The following LAMA2 variants were observed in gnomAD, a reference collection of about 807,000 sequenced individuals.
LAMA2 encodes laminin subunit alpha 2, also known as laminin subunit alpha-2.
In LAMA2, 269 loss-of-function variants were observed where a neutral mutation model predicts 364.8. The ratio of observed to expected loss-of-function variants is 0.74; its 90% CI spans 0.67 to 0.82. The LOEUF is 0.82. LAMA2 is among the 40% of genes least tolerant of loss of function. The pLI, the probability that LAMA2 is intolerant of heterozygous loss-of-function variation, is 0.00. For missense variants in LAMA2, 3,807 were observed against 3,873.2 expected (o/e 0.98, Z 0.45); for synonymous variants, 1,379 against 1,370.6 (o/e 1.01, Z -0.14).
intron 4 of LAMA2, among the ~76,000 whole-genome samples, chr6:129,112,994 CAT>C (rs1776245908): frequency 6.6e-6 from 1 of 152,146 alleles, no homozygotes; most frequent in South Asian, 2.1e-4. Flanking sequence ...CTTGCAGAAA[CAT>C]GTCATAGAAA....
intron 4 of LAMA2, among the ~76,000 whole-genome samples, chr6:129,133,628 G>A (rs1024616531): frequency 1.8e-4 from 27 of 152,108 alleles, no homozygotes; most frequent in African/African-American, 6.5e-4. Context: ...CCAATGGAAT[G>A]CTCAGTCTTG....
At chr6:129,498,777 A>ATC (rs1288373875) in intron 58 of LAMA2, among the ~76,000 whole-genome samples, 1 of 152,196 alleles carries the variant, frequency 6.6e-6, no homozygotes, top group Non-Finnish European at 1.5e-5. Flanking sequence ...TGTAATATAA[A>ATC]TCTCTGCTCA....
chr6:129,033,286 T>C (rs1023052163), intron 1 of LAMA2, among the ~76,000 whole-genome samples: 1 of 152,136 alleles, frequency 6.6e-6, no homozygotes, highest in Non-Finnish European at 1.5e-5. Flanking sequence ...CTAAGTCTTT[T>C]AAGCCAGAGA....
chr6:129,025,435 G>T lies in LAMA2; in HGVS notation c.113-24483G>T, dbSNP rs192611444. ...TTTGTGTTAAGGATTTAAAAAAATA[G>T]TGGCGTGAGAATGGTTATTGCTCTT... On this transcript the variant is annotated intron_variant, in intron 1 of 64. Coordinates refer to ENST00000421865, the MANE Select transcript of LAMA2 (RefSeq NM_000426.4). 1.7e-4 allele frequency among the ~76,000 whole-genome samples: 26 copies of T among 152,234 alleles called. No homozygotes were observed. In the East Asian group the frequency reaches 4.2e-3, roughly 25 times the overall value.
intron 1 of LAMA2, among the ~76,000 whole-genome samples, chr6:128,890,422 C>A (rs1400021000): frequency 1.3e-5 from 2 of 151,408 alleles, no homozygotes; most frequent in Non-Finnish European, 2.9e-5. Context: ...CATAAAATAC[C>A]CTGAGGAAAA....
chr6:129,300,640 A>G (rs1038927201), intron 21 of LAMA2, 96 bp from the exon 22 acceptor site: 60 of 1,306,474 alleles, frequency 4.6e-5, no homozygotes, highest in Non-Finnish European at 5.9e-5. Context: ...AACTGAAAAG[A>G]AAATAAGACA....
chr6:129,362,624 C>T (rs533844136), intron 32 of LAMA2, among the ~76,000 whole-genome samples: 77 of 152,226 alleles, frequency 5.1e-4, no homozygotes, highest in African/African-American at 1.7e-3. Flanking sequence ...GGCACCATAA[C>T]CAAGGTGTTT....
intron 13 of LAMA2, among the ~76,000 whole-genome samples, chr6:129,251,843 G>A (rs984639544): frequency 5.9e-5 from 9 of 152,146 alleles, no homozygotes; most frequent in African/African-American, 1.9e-4. Context: ...GCTGAGGCAT[G>A]AGAATCGCTT....
In LAMA2 at chr6:129,456,627, G is replaced by A. The variant is rs183492114; in HGVS notation, c.6867+133G>A. ...ACTTAACTTGCATTTATGAAAACAT[G>A]AATTTACTTTGAGTAAGAATTTTCT... is the stretch of plus-strand genomic sequence containing the variant. On this transcript the variant is annotated intron_variant, in intron 48 of 64. Coordinates refer to ENST00000421865, the MANE Select transcript of LAMA2 (RefSeq NM_000426.4). The A allele has an allele frequency of 4.0e-3, 3,499 of 876,492 alleles. 15 individuals are homozygous for A. Among genetic ancestry groups the A allele is most frequent in the Middle Eastern group, 6.9e-3 (23 of 3,342 alleles). 54.3% of individuals were successfully genotyped at this position (876,492 alleles called of 1,614,324 possible). A position where few individuals can be genotyped will look rare whatever the true frequency, so the allele number is the denominator to read the frequency against.
At chr6:129,403,589 A>G (rs1289554077) in intron 39 of LAMA2, among the ~76,000 whole-genome samples, 2 of 152,200 alleles carry the variant, frequency 1.3e-5, no homozygotes, top group African/African-American at 4.8e-5. Context: ...GGAGGATGCT[A>G]TGGGTATTTA....
rs140073243 is a variant in LAMA2, at chr6:129,090,320, G to T, written c.397-7853G>T. The stretch of plus-strand genomic sequence containing the variant: ...AAATTCCATATGTATTACTCGCTTT[G>T]TAACTACTTCATTATGTATCTCTGA... On this transcript the variant is annotated intron_variant, in intron 3 of 64. Transcript: ENST00000421865. Among the ~76,000 whole-genome samples, 1,068 of 152,096 alleles carry T rather than the reference G, an allele frequency of 7.0e-3. 9 individuals carry two copies. Among genetic ancestry groups the T allele is most frequent in the African/African-American group, 0.025 (1,022 of 41,512 alleles).
intron 8 of LAMA2, among the ~76,000 whole-genome samples, chr6:129,162,371 T>A (rs1779490294): frequency 6.6e-6 from 1 of 151,932 alleles, no homozygotes; most frequent in East Asian, 1.9e-4. Context: ...AGGAAAAAAA[T>A]TTACATTAAC....
intron 29 of LAMA2, among the ~76,000 whole-genome samples, chr6:129,330,591 G>GTTTTTTTTTTTTTTTTTTTTTTTTTTTTT (rs1491387157): frequency 2.4e-5 from 2 of 83,788 alleles, no homozygotes; most frequent in Admixed American, 1.5e-4. Context: ...GTTGTTGTTT[G>GTTTTTTTTTTTTTTTTTTTTTTTTTTTTT]GTTTTTGTTT....
At chr6:129,503,386 G>T in intron 60 of LAMA2, 106 bp downstream of exon 60, 1 of 1,012,134 alleles carries the variant, frequency 9.9e-7, no homozygotes. Flanking sequence ...CACTGACTCT[G>T]GCAGAAGCTA....
chr6:129,315,685 G>A (rs774685492), intron 25 of LAMA2, 30 bp downstream of exon 25: 1 of 1,611,704 alleles, frequency 6.2e-7, no homozygotes, highest in East Asian at 2.2e-5. Flanking sequence ...TGTCAAGTGA[G>A]AACAAGATAA....
intron 22 of LAMA2, among the ~76,000 whole-genome samples, chr6:129,306,843 A>AT (rs1246856790): frequency 2.0e-5 from 3 of 151,676 alleles, no homozygotes; most frequent in Non-Finnish European, 4.4e-5. Flanking sequence ...CTATACTCAC[A>AT]TTTTTTCATT....
chr6:128,904,456 T>C (rs1021803571), intron 1 of LAMA2, among the ~76,000 whole-genome samples: 34 of 147,630 alleles, frequency 2.3e-4, no homozygotes, highest in East Asian at 9.7e-4. Flanking sequence ...TCCTTTCTTT[T>C]TTTTTTTTTT....
At chr6:129,377,017 T>A (rs1419227418) in intron 34 of LAMA2, among the ~76,000 whole-genome samples, 3 of 152,158 alleles carry the variant, frequency 2.0e-5, no homozygotes, top group Non-Finnish European at 2.9e-5. Context: ...AAGATGGAAA[T>A]GTAGACAAAC....
At position 129,314,643 on chromosome 6, in the gene LAMA2, G is replaced by T; in HGVS notation, c.3412-12G>T. The T allele has an allele frequency of 6.2e-7, 1 of 1,613,054 alleles. No homozygotes were observed. The highest frequency in any genetic ancestry group is 8.5e-7 in the Non-Finnish European group (1 of 1,179,850). ...CCGTTATAAACTCTGAGGGTCTCTTGTCTTTCCTCAGGTGAATGTGGAAGG... is the reference window on the plus strand; with the variant it reads ...CCGTTATAAACTCTGAGGGTCTCTTTTCTTTCCTCAGGTGAATGTGGAAGG... On this transcript the variant is annotated splice_polypyrimidine_tract_variant and intron_variant, in intron 23 of 64. Transcript: ENST00000421865.
Sources: gnomAD v4.1 joint callset for allele counts (sites outside exome capture counted in the v4.1 genomes callset) on GRCh38, gnomAD v4.1.1 for gene constraint, MANE v1.5 for transcripts, NCBI Gene and HGNC (gene_info 2026-07-23, HGNC 2026-07-21) for gene names.